KCNAB1: variants seen among roughly 807,000 people sequenced by gnomAD.
KCNAB1 encodes potassium voltage-gated channel subfamily A regulatory beta subunit 1, also known as voltage-gated potassium channel subunit beta-1.
KCNAB1 carries 35 observed loss-of-function variants against 64.6 expected under a neutral mutation model. That is an observed-to-expected ratio of 0.54 (90% CI 0.41 to 0.72). The LOEUF is 0.72. KCNAB1 is among the 30% of genes least tolerant of loss of function. The pLI, the probability that KCNAB1 is intolerant of heterozygous loss-of-function variation, is 0.00. For missense variants in KCNAB1, 401 were observed against 512.9 expected, an observed-to-expected ratio of 0.78 and a Z score of 2.11; for synonymous variants, 177 against 183.8, an observed-to-expected ratio of 0.96 and a Z score of 0.30.
intron 9 of KCNAB1, among the ~76,000 whole-genome samples, chr3:156,514,836 A>G (rs1413898993): frequency 6.6e-6 from 1 of 152,224 alleles, no homozygotes; most frequent in Non-Finnish European, 1.5e-5. Flanking sequence ...CATTTTCTTT[A>G]TCGTAGTGTA....
intron 1 of KCNAB1, among the ~76,000 whole-genome samples, chr3:156,139,812 G>T (rs1300934614): frequency 2.6e-5 from 4 of 151,970 alleles, no homozygotes; most frequent in African/African-American, 9.7e-5. Flanking sequence ...CATTATAACT[G>T]GAGTTTACAA....
chr3:156,281,237 C>G (rs1274307497), intron 1 of KCNAB1, among the ~76,000 whole-genome samples: 10 of 150,438 alleles, frequency 6.6e-5, no homozygotes, highest in Non-Finnish European at 1.3e-4. Context: ...TGGTTTTTGT[C>G]TTTGGCTCTG....
intron 1 of KCNAB1, among the ~76,000 whole-genome samples, chr3:156,383,490 A>G (rs921619689): frequency 6.6e-6 from 1 of 152,158 alleles, no homozygotes; most frequent in Admixed American, 6.5e-5. Flanking sequence ...TGATTTGCCC[A>G]GAATTATCCC....
chr3:156,167,187 C>A lies in KCNAB1; in HGVS notation c.275+46301C>A, dbSNP rs574398177. Among the ~76,000 whole-genome samples the A allele has an allele frequency of 3.3e-5, 5 of 152,292 alleles. No homozygotes were observed. The South Asian group carries it at 1.0e-3, about 32-fold the overall frequency. Reference sequence around the variant, plus strand: ...CTTACACAGCCTCTTTAGATCTCTTCCTCTAAGAGTGGACAATGCCCCAGA... The same window carrying A: ...CTTACACAGCCTCTTTAGATCTCTTACTCTAAGAGTGGACAATGCCCCAGA... On this transcript the variant is annotated intron_variant, in intron 1 of 13. Coordinates refer to ENST00000490337, the MANE Select transcript of KCNAB1 (RefSeq NM_172160.3).
At chr3:156,489,157 G>A (rs894765725) in intron 8 of KCNAB1, among the ~76,000 whole-genome samples, 1 of 152,122 alleles carries the variant, frequency 6.6e-6, no homozygotes, top group Admixed American at 6.6e-5. Context: ...AAATTTGGGA[G>A]CTGTCTGCAT....
intron 1 of KCNAB1, among the ~76,000 whole-genome samples, chr3:156,356,163 A>G (rs1725225798): frequency 6.7e-6 from 1 of 148,968 alleles, no homozygotes; most frequent in African/African-American, 2.6e-5. Context: ...AGAGAGAGAA[A>G]GCAAGCAAGA....
At chr3:156,362,690 ATTATAG>A (rs1725687624) in intron 1 of KCNAB1, among the ~76,000 whole-genome samples, 2 of 152,180 alleles carry the variant, frequency 1.3e-5, no homozygotes, top group South Asian at 4.1e-4. Flanking sequence ...TTTTATTGCT[ATTATAG>A]TTATCTTTAT....
rs879193465 is a variant in KCNAB1, at chr3:156,524,022, C to T, written c.1081+75C>T. The T allele has an allele frequency of 3.0e-6, 4 of 1,354,816 alleles. No homozygotes were observed. In the African/African-American group the frequency reaches 5.9e-5, roughly 20 times the overall value. The allele number at this position is 1,354,816 out of a possible 1,614,324, so 83.9% of individuals were successfully genotyped here. A position where few individuals can be genotyped will look rare whatever the true frequency, so the allele number is the denominator to read the frequency against. ...CATAGTTTTCTATTGCTGACCACAC[C>T]CTTACCATGATAAAATGTCTATTGC... is the stretch of plus-strand genomic sequence containing the variant. On this transcript the variant is annotated intron_variant, in intron 12 of 13. Transcript: ENST00000490337.
chr3:156,212,686 T>C (rs1174140951), intron 1 of KCNAB1, among the ~76,000 whole-genome samples: 1 of 152,028 alleles, frequency 6.6e-6, no homozygotes, highest in Non-Finnish European at 1.5e-5. Flanking sequence ...AATTGATGAT[T>C]GGGTTAAAAT....
At chr3:156,121,031 C>A in intron 1 of KCNAB1, 145 bp downstream of exon 1, 2 of 955,734 alleles carry the variant, frequency 2.1e-6, no homozygotes, top group South Asian at 3.4e-5. Flanking sequence ...AATGTGTAAC[C>A]ACAAAGAGCA....
At chr3:156,361,953 A>G (rs573716146) in intron 1 of KCNAB1, among the ~76,000 whole-genome samples, 6 of 152,328 alleles carry the variant, frequency 3.9e-5, no homozygotes, top group African/African-American at 1.2e-4. Flanking sequence ...AGCCACTGCA[A>G]TGAATGAATT....
intron 2 of KCNAB1, among the ~76,000 whole-genome samples, chr3:156,433,847 T>C (rs991196517): frequency 2.0e-5 from 3 of 152,206 alleles, no homozygotes; most frequent in Admixed American, 6.5e-5. Context: ...CCCATCACGA[T>C]CCCTCTTATC....
At chr3:156,254,362 A>G (rs1717982936) in intron 1 of KCNAB1, among the ~76,000 whole-genome samples, 1 of 152,212 alleles carries the variant, frequency 6.6e-6, no homozygotes, top group Non-Finnish European at 1.5e-5. Flanking sequence ...CACTCTGTGC[A>G]GATCCCTTGC....
intron 2 of KCNAB1, among the ~76,000 whole-genome samples, chr3:156,430,126 C>G (rs1325175982): frequency 6.6e-6 from 1 of 152,220 alleles, no homozygotes; most frequent in Non-Finnish European, 1.5e-5. Context: ...AAGTGGTTGC[C>G]TTCTGAATCA....
intron 3 of KCNAB1, among the ~76,000 whole-genome samples, chr3:156,456,761 G>A (rs1039409614): frequency 6.6e-6 from 1 of 152,136 alleles, no homozygotes. Context: ...TCCCTCTCTG[G>A]CTATTCCTTA....
At chr3:156,150,875 G>A (rs140231822) in intron 1 of KCNAB1, among the ~76,000 whole-genome samples, 76 of 152,282 alleles carry the variant, frequency 5.0e-4, no homozygotes, top group Admixed American at 8.5e-4. Flanking sequence ...TAGATTCCAT[G>A]GCAAGCCTAT....
chr3:156,305,073 C>A (rs558520204), intron 1 of KCNAB1, among the ~76,000 whole-genome samples: 1 of 152,050 alleles, frequency 6.6e-6, no homozygotes, highest in East Asian at 1.9e-4. Context: ...TTTGTCTTTA[C>A]TACCAGTATC....
At chr3:156,129,848 T>G (rs372034038) in intron 1 of KCNAB1, among the ~76,000 whole-genome samples, 2 of 152,248 alleles carry the variant, frequency 1.3e-5, no homozygotes, top group Non-Finnish European at 2.9e-5. Context: ...CTTGACATGC[T>G]GCTTCCCTCC....
intron 1 of KCNAB1, among the ~76,000 whole-genome samples, chr3:156,322,055 CACAA>C (rs1553847029): frequency 6.6e-6 from 1 of 152,196 alleles, no homozygotes; most frequent in Non-Finnish European, 1.5e-5. Flanking sequence ...CATTTAGGGA[CACAA>C]ACAAGTGCAT....
Sources: gnomAD v4.1 joint callset for allele counts (sites outside exome capture counted in the v4.1 genomes callset) on GRCh38, gnomAD v4.1.1 for gene constraint, MANE v1.5 for transcripts, NCBI Gene and HGNC (gene_info 2026-07-23, HGNC 2026-07-21) for gene names.